Variants in RABGAP1L observed in about 807,000 individuals in gnomAD.
RABGAP1L encodes the protein RAB GTPase activating protein 1 like.
Under a neutral mutation model 137.7 loss-of-function variants are expected in RABGAP1L, and 63 were observed. The ratio of observed to expected loss-of-function variants is 0.46; its 90% confidence interval spans 0.37 to 0.56. The LOEUF is 0.56. Among genes scored for constraint, RABGAP1L ranks in the 20% least tolerant of loss-of-function variants. The probability of loss-of-function intolerance (pLI) is 0.00; values close to 1 mark genes in which losing one functional copy is unlikely to be tolerated. For missense variants in RABGAP1L, 1,095 were observed against 1,244.0 expected, an observed-to-expected ratio of 0.88 and a Z score of 1.80; for synonymous variants, 431 against 433.7, an observed-to-expected ratio of 0.99 and a Z score of 0.08.
At chr1:174,219,050 TATTAGTTCATGTTTTTA>T (rs1448471281) in intron 1 of RABGAP1L, 58 bp from the exon 2 acceptor site, 26 of 1,140,144 alleles carry the variant, frequency 2.3e-5, no homozygotes, top group African/African-American at 8.2e-5. Context: ...TTTAAAGCTT[TATTAGTTCATGTTTTTA>T]ATTAGTTCAT....
intron 19 of RABGAP1L, among the ~76,000 whole-genome samples, chr1:174,956,277 C>T (rs1278654195): frequency 6.7e-6 from 1 of 150,290 alleles, no homozygotes; most frequent in Non-Finnish European, 1.5e-5. Context: ...TAGTGCACTG[C>T]AGCCTGGAAC....
intron 13 of RABGAP1L, among the ~76,000 whole-genome samples, chr1:174,538,448 T>C (rs1038475054): frequency 1.3e-5 from 2 of 152,224 alleles, no homozygotes; most frequent in African/African-American, 4.8e-5. Context: ...GTATCCTGTA[T>C]AGTTTGTGCC....
intron 4 of RABGAP1L, among the ~76,000 whole-genome samples, chr1:174,236,890 A>G (rs1470610721): frequency 1.0e-5 from 1 of 96,644 alleles, no homozygotes; most frequent in African/African-American, 4.2e-5. Context: ...CCCATTATTA[A>G]TGTGTGGGAG....
intron 14 of RABGAP1L, among the ~76,000 whole-genome samples, chr1:174,667,639 G>A (rs1676883831): frequency 1.3e-5 from 2 of 152,082 alleles, no homozygotes; most frequent in South Asian, 4.2e-4. Flanking sequence ...AAAAACAGGT[G>A]GTCAAGTTTG....
At chr1:174,435,863 T>A (rs1214125626) in intron 13 of RABGAP1L, among the ~76,000 whole-genome samples, 1 of 148,590 alleles carries the variant, frequency 6.7e-6, no homozygotes, top group Non-Finnish European at 1.5e-5. Flanking sequence ...TGTCCATGTG[T>A]TCTCATTGTT....
intron 18 of RABGAP1L, among the ~76,000 whole-genome samples, chr1:174,780,333 T>C (rs573125847): frequency 6.6e-6 from 1 of 152,174 alleles, no homozygotes; most frequent in East Asian, 1.9e-4. Context: ...CTGCTCTACC[T>C]AAACTGGAAG....
At chr1:174,748,948 G>A (rs1489577247) in intron 17 of RABGAP1L, among the ~76,000 whole-genome samples, 2 of 151,882 alleles carry the variant, frequency 1.3e-5, no homozygotes, top group African/African-American at 2.4e-5. Context: ...AGGCCAAGAC[G>A]GGCAGATCAC....
intron 19 of RABGAP1L, among the ~76,000 whole-genome samples, chr1:174,899,007 C>A (rs1657692277): frequency 6.6e-6 from 1 of 152,048 alleles, no homozygotes; most frequent in Admixed American, 6.6e-5. Flanking sequence ...AAATTTGAAA[C>A]CCTAGGTTCT....
chr1:174,507,652 T>G (rs1166945947), intron 13 of RABGAP1L, among the ~76,000 whole-genome samples: 1 of 152,116 alleles, frequency 6.6e-6, no homozygotes, highest in Non-Finnish European at 1.5e-5. Context: ...TGATTTACTA[T>G]CTTGTCACAC....
Position 174,518,887 on chromosome 1 carries a change from A to G in RABGAP1L, c.1711-118488A>G, listed in dbSNP as rs77799949. On this transcript the variant is annotated intron_variant, in intron 13 of 25. Transcript: ENST00000681986. ...AACAGCAAGACCAGAAAAAGTTTGT[A>G]TTTTACAGTAGCTGAGGATTTCAAA... 5.8e-3 allele frequency among the ~76,000 whole-genome samples: 876 copies of G among 152,286 alleles called. 4 individuals are homozygous for G. Among genetic ancestry groups the G allele is most frequent in the Non-Finnish European group, 7.9e-3 (535 of 68,032 alleles).
intron 15 of RABGAP1L, 47 bp from the exon 16 acceptor site, chr1:174,699,478 G>T: frequency 6.4e-7 from 1 of 1,552,496 alleles, no homozygotes; most frequent in Non-Finnish European, 8.7e-7. Context: ...TGACATTCTG[G>T]CAAAATGCCA....
At chr1:174,916,112 G>T (rs1390910384) in intron 19 of RABGAP1L, among the ~76,000 whole-genome samples, 3 of 149,084 alleles carry the variant, frequency 2.0e-5, no homozygotes, top group Admixed American at 2.0e-4. Flanking sequence ...TGAGGTAAGG[G>T]TCTATGTACA....
chr1:174,983,018 A>T, intron 24 of RABGAP1L, 113 bp downstream of exon 24: 1 of 1,117,756 alleles, frequency 8.9e-7, no homozygotes, highest in Non-Finnish European at 1.3e-6. Flanking sequence ...TATTAATAGG[A>T]ATTATGGAGA....
At chr1:174,985,534 C>T (rs1237006171) in intron 24 of RABGAP1L, among the ~76,000 whole-genome samples, 1 of 152,208 alleles carries the variant, frequency 6.6e-6, no homozygotes, top group Non-Finnish European at 1.5e-5. Context: ...ATAACATTAG[C>T]TGTTAGACTA....
Position 174,993,117 on chromosome 1 carries a change from C to T in RABGAP1L, c.*3116C>T, listed in dbSNP as rs1672165529. 1.3e-5 allele frequency: 2 copies of T among 152,176 alleles called. No individual in the cohort carries two copies. The highest frequency in any genetic ancestry group is 2.4e-5 in the African/African-American group (1 of 41,450). The allele number at this position is 152,176 out of a possible 1,614,324, so 9.4% of individuals were successfully genotyped here. On this transcript the variant is annotated 3_prime_UTR_variant, in exon 26 of 26. Coordinates refer to ENST00000681986, the MANE Select transcript of RABGAP1L (RefSeq NM_001366446.1). ...CTGAAAGAAACCAAGCTGGATTTTG[C>T]AGTGCATATGTTTGCTAGCTTCCCA...
chr1:174,256,749 C>T (rs1673164625), intron 7 of RABGAP1L, among the ~76,000 whole-genome samples: 1 of 152,178 alleles, frequency 6.6e-6, no homozygotes, highest in Non-Finnish European at 1.5e-5. Context: ...CCATTGCACT[C>T]CAGCCTTGTG....
intron 4 of RABGAP1L, among the ~76,000 whole-genome samples, chr1:174,238,517 A>G (rs371230229): frequency 3.5e-4 from 53 of 151,926 alleles, no homozygotes; most frequent in Middle Eastern, 3.4e-3. Flanking sequence ...GTCTGTTGGA[A>G]TACCCTGCAG....
At chr1:174,315,166 C>T (rs1431648067) in intron 11 of RABGAP1L, among the ~76,000 whole-genome samples, 1 of 151,964 alleles carries the variant, frequency 6.6e-6, no homozygotes, top group African/African-American at 2.4e-5. Flanking sequence ...CTTGATGTTC[C>T]AGTGTTGAGG....
chr1:174,889,216 G>A (rs531007652), intron 19 of RABGAP1L, among the ~76,000 whole-genome samples: 9 of 150,340 alleles, frequency 6.0e-5, no homozygotes, highest in Non-Finnish European at 1.2e-4. Flanking sequence ...CTCCGCCTCC[G>A]GGGTTCAAGC....
Sources: gnomAD v4.1 joint callset for allele counts (sites outside exome capture counted in the v4.1 genomes callset) on GRCh38, gnomAD v4.1.1 for gene constraint, MANE v1.5 for transcripts, NCBI Gene and HGNC (gene_info 2026-07-23, HGNC 2026-07-21) for gene names.